The following INPP4B variants were observed in gnomAD, a reference collection of about 807,000 sequenced individuals.
INPP4B encodes the protein inositol polyphosphate 4-phosphatase type II.
Under a neutral mutation model 122.5 loss-of-function variants are expected in INPP4B, and 55 were observed. That is an observed-to-expected ratio of 0.45 (90% CI 0.36 to 0.56). The LOEUF (loss-of-function observed/expected upper bound fraction) is 0.56. Ranked by LOEUF, INPP4B falls within the 20% of genes least tolerant of loss-of-function variation. INPP4B has a pLI of 0.00. For missense variants in INPP4B, 1,000 were observed against 1,097.7 expected (o/e 0.91, Z 1.26); for synonymous variants, 403 against 388.7 (o/e 1.04, Z -0.43).
chr4:142,192,314 T>C (rs1316266129), intron 15 of INPP4B, among the ~76,000 whole-genome samples: 1 of 44,848 alleles, frequency 2.2e-5, no homozygotes, highest in Non-Finnish European at 5.0e-5. Flanking sequence ...CCTGCACACA[T>C]ACCCTTGGAA....
chr4:142,162,932 A>AT (rs960864511), intron 16 of INPP4B, among the ~76,000 whole-genome samples: 6 of 152,008 alleles, frequency 3.9e-5, no homozygotes, highest in African/African-American at 1.4e-4. Flanking sequence ...AGAGAATCAC[A>AT]TTTTTTAGAA....
At chr4:142,763,927 T>G (rs1771708754) in intron 1 of INPP4B, among the ~76,000 whole-genome samples, 2 of 152,084 alleles carry the variant, frequency 1.3e-5, no homozygotes, top group Non-Finnish European at 2.9e-5. Context: ...CTATAGAAAA[T>G]TAATGATTCA....
chr4:142,498,018 T>C (rs1000623662), intron 2 of INPP4B, among the ~76,000 whole-genome samples: 6 of 152,046 alleles, frequency 3.9e-5, no homozygotes, highest in African/African-American at 1.4e-4. Flanking sequence ...GTTATGCATA[T>C]ATAATTTGTT....
intron 2 of INPP4B, among the ~76,000 whole-genome samples, chr4:142,711,826 T>C (rs549573631): frequency 1.1e-3 from 167 of 152,240 alleles, no homozygotes; most frequent in African/African-American, 4.0e-3. Context: ...GGCAGGCAGA[T>C]CACTTGAGGC....
intron 2 of INPP4B, among the ~76,000 whole-genome samples, chr4:142,610,588 A>C (rs1374741917): frequency 1.3e-5 from 2 of 152,204 alleles, no homozygotes; most frequent in Non-Finnish European, 2.9e-5. Flanking sequence ...AAATTTAGAC[A>C]GAGTGTTCCC....
At chr4:142,428,422 T>C (rs1314788064) in intron 5 of INPP4B, among the ~76,000 whole-genome samples, 2 of 151,448 alleles carry the variant, frequency 1.3e-5, no homozygotes, top group Admixed American at 1.3e-4. Flanking sequence ...TTCCGAAATA[T>C]TTCAGAACCA....
intron 5 of INPP4B, among the ~76,000 whole-genome samples, chr4:142,418,540 GTGTTAGGGACTGGTAGATCAGGCAAA>G (rs565855001): frequency 5.8e-4 from 88 of 152,230 alleles, no homozygotes; most frequent in African/African-American, 2.0e-3. Context: ...AAACTTGAGA[GTGTTAGGGACTGGTAGATCAGGCAAA>G]TGTTCTCTGA....
chr4:142,800,775 T>C (rs1392508820), intron 1 of INPP4B, among the ~76,000 whole-genome samples: 1 of 152,192 alleles, frequency 6.6e-6, no homozygotes, highest in Non-Finnish European at 1.5e-5. Flanking sequence ...TTTTAGTATT[T>C]CCTCCTTAGT....
intron 25 of INPP4B, among the ~76,000 whole-genome samples, chr4:142,051,173 T>C (rs928791968): frequency 1.3e-5 from 2 of 151,944 alleles, no homozygotes; most frequent in Admixed American, 1.3e-4. Flanking sequence ...AACAAGCACA[T>C]ATTTATAAAA....
intron 2 of INPP4B, among the ~76,000 whole-genome samples, chr4:142,479,272 C>T (rs1820195602): frequency 2.0e-5 from 3 of 152,106 alleles, no homozygotes; most frequent in Non-Finnish European, 2.9e-5. Flanking sequence ...GAGACACCAT[C>T]TCACATGAGA....
intron 2 of INPP4B, among the ~76,000 whole-genome samples, chr4:142,721,692 G>A (rs1764708690): frequency 1.3e-5 from 2 of 152,010 alleles, no homozygotes; most frequent in Admixed American, 6.6e-5. Flanking sequence ...GTGGTAGCGC[G>A]TGCCTGTAGT....
chr4:142,233,303 G>A (rs1855262766), intron 12 of INPP4B, among the ~76,000 whole-genome samples: 1 of 151,932 alleles, frequency 6.6e-6, no homozygotes, highest in Non-Finnish European at 1.5e-5. Context: ...GCTACTCATT[G>A]GTTTACTGCT....
intron 7 of INPP4B, among the ~76,000 whole-genome samples, chr4:142,369,648 T>C (rs1056019510): frequency 2.7e-5 from 4 of 150,698 alleles, no homozygotes; most frequent in Non-Finnish European, 5.9e-5. Flanking sequence ...TAAAAAAGGC[T>C]GGGCTCAGTG....
At chr4:142,319,301 T>C (rs1769103622) in intron 7 of INPP4B, among the ~76,000 whole-genome samples, 1 of 152,192 alleles carries the variant, frequency 6.6e-6, no homozygotes, top group Non-Finnish European at 1.5e-5. Flanking sequence ...CAGATGCTCT[T>C]CCTAGAAAAC....
At chr4:142,569,138 T>C (rs1166869516) in intron 2 of INPP4B, among the ~76,000 whole-genome samples, 3 of 152,100 alleles carry the variant, frequency 2.0e-5, no homozygotes, top group Non-Finnish European at 4.4e-5. Flanking sequence ...ACACAGTCTG[T>C]CTCTCTGCCT....
At chr4:142,067,941 G>A (rs1205046031) in intron 25 of INPP4B, among the ~76,000 whole-genome samples, 1 of 152,158 alleles carries the variant, frequency 6.6e-6, no homozygotes, top group Non-Finnish European at 1.5e-5. Context: ...CCCCAACATA[G>A]CAAGGCAGGC....
chr4:142,708,598 C>T (rs1026282816), intron 2 of INPP4B, among the ~76,000 whole-genome samples: 1 of 152,180 alleles, frequency 6.6e-6, no homozygotes, highest in Non-Finnish European at 1.5e-5. Context: ...TAAGCTATAA[C>T]CTTTGGTGGC....
intron 1 of INPP4B, among the ~76,000 whole-genome samples, chr4:142,730,979 CTTTAT>C (rs1303018896): frequency 2.8e-4 from 42 of 152,018 alleles, no homozygotes; most frequent in African/African-American, 9.2e-4. Context: ...TTTAATTTTA[CTTTAT>C]TTTAAGTTCC....
At chr4:142,251,975 G>A (rs1732351193) in intron 11 of INPP4B, among the ~76,000 whole-genome samples, 2 of 152,170 alleles carry the variant, frequency 1.3e-5, no homozygotes, top group Admixed American at 1.3e-4. Context: ...TGCCTTCTTA[G>A]TAAAACCACA....
Sources: allele counts gnomAD v4.1 joint callset (sites outside exome capture counted in the v4.1 genomes callset), GRCh38; gene constraint gnomAD v4.1.1; transcripts MANE v1.5; gene names NCBI Gene and HGNC (gene_info 2026-07-23, HGNC 2026-07-21).